POU2F1: variants seen among roughly 807,000 people sequenced by gnomAD.
The protein encoded by POU2F1 is POU class 2 homeobox 1.
Under a neutral mutation model 84.9 loss-of-function variants are expected in POU2F1, and 16 were observed. That is an observed-to-expected ratio of 0.19 (90% confidence interval 0.13 to 0.29). The LOEUF is 0.29. Among genes scored for constraint, POU2F1 ranks in the 10% least tolerant of loss-of-function variants. POU2F1 has a pLI of 1.00. For synonymous variants in POU2F1, 368 were observed against 368.3 expected (o/e 1.00, Z 0.01); for missense variants, 738 against 942.6 (o/e 0.78, Z 2.84).
intron 1 of POU2F1, among the ~76,000 whole-genome samples, chr1:167,324,899 TGA>T (rs941986787): frequency 2.6e-5 from 4 of 152,198 alleles, no homozygotes; most frequent in African/African-American, 4.8e-5. Flanking sequence ...GAGGGGACAC[TGA>T]GAGCCCCATA....
intron 1 of POU2F1, among the ~76,000 whole-genome samples, chr1:167,328,167 A>G (rs1281741798): frequency 1.3e-5 from 2 of 152,218 alleles, no homozygotes; most frequent in Admixed American, 6.5e-5. Flanking sequence ...TAGAGATTCT[A>G]AGTAACAAAC....
At chr1:167,262,041 G>A (rs770471970) in intron 1 of POU2F1, among the ~76,000 whole-genome samples, 4 of 152,076 alleles carry the variant, frequency 2.6e-5, no homozygotes, top group Non-Finnish European at 4.4e-5. Context: ...AATATGTTTC[G>A]TGTACCTAAG....
At chr1:167,357,865 G>A (rs367901968) in intron 2 of POU2F1, among the ~76,000 whole-genome samples, 5 of 143,074 alleles carry the variant, frequency 3.5e-5, no homozygotes, top group Admixed American at 7.0e-5. Flanking sequence ...GTGCAATGGC[G>A]CTATCTCGGC....
At position 167,334,702 on chromosome 1, in the gene POU2F1, A is replaced by G. The variant is rs557149172; in HGVS notation, c.127+2167A>G. 2.0e-5 allele frequency among the ~76,000 whole-genome samples: 3 copies of G among 152,344 alleles called. No homozygotes were observed. In the South Asian group the frequency reaches 6.2e-4, roughly 32 times the overall value. ...TATCAGACTTGCATATTTACTTACC[A>G]TGTTTGATATATTAGATATAAAATT... On this transcript the variant is annotated intron_variant, in intron 2 of 15. Coordinates refer to ENST00000367866, the MANE Select transcript of POU2F1 (RefSeq NM_002697.4).
chr1:167,255,388 G>A (rs2102415787), intron 1 of POU2F1, among the ~76,000 whole-genome samples: 1 of 152,332 alleles, frequency 6.6e-6, no homozygotes, highest in South Asian at 2.1e-4. Flanking sequence ...GCAGGGCAAT[G>A]TGAACAAAAA....
At chr1:167,222,733 C>G (rs184043265) in intron 1 of POU2F1, among the ~76,000 whole-genome samples, 1 of 152,190 alleles carries the variant, frequency 6.6e-6, no homozygotes, top group Non-Finnish European at 1.5e-5. Flanking sequence ...TAAGTATCAA[C>G]TCTGTGATGG....
At chr1:167,262,911 C>T (rs977950334) in intron 1 of POU2F1, among the ~76,000 whole-genome samples, 4 of 152,148 alleles carry the variant, frequency 2.6e-5, no homozygotes, top group East Asian at 3.9e-4. Flanking sequence ...GAGAAAAGTA[C>T]ATAAATTGGG....
intron 1 of POU2F1, among the ~76,000 whole-genome samples, chr1:167,300,812 C>T (rs1235487897): frequency 6.6e-6 from 1 of 151,850 alleles, no homozygotes; most frequent in Non-Finnish European, 1.5e-5. Context: ...CCTCTGTTGC[C>T]CAGGCTGGAG....
chr1:167,275,985 G>T (rs951965371), intron 1 of POU2F1, among the ~76,000 whole-genome samples: 1 of 152,146 alleles, frequency 6.6e-6, no homozygotes, highest in Non-Finnish European at 1.5e-5. Context: ...AGCAGTTAGC[G>T]ATCTAAGAAC....
chr1:167,413,311 A>G (rs1328055577), intron 15 of POU2F1, among the ~76,000 whole-genome samples, 197 bp downstream of exon 15: 2 of 152,220 alleles, frequency 1.3e-5, no homozygotes, highest in Non-Finnish European at 2.9e-5. Context: ...CTTTGTAAGA[A>G]AAGTATAGGT....
chr1:167,333,091 C>T (rs1467026420), intron 2 of POU2F1, among the ~76,000 whole-genome samples: 1 of 152,088 alleles, frequency 6.6e-6, no homozygotes, highest in Non-Finnish European at 1.5e-5. Flanking sequence ...GTTATAGACA[C>T]ATACCCATTT....
intron 6 of POU2F1, 51 bp from the exon 7 acceptor site, chr1:167,375,978 C>A: frequency 6.2e-7 from 1 of 1,604,836 alleles, no homozygotes; most frequent in South Asian, 1.1e-5. Context: ...TATAATTAAG[C>A]GAACTTTTAT....
chr1:167,400,060 T>C (rs960076157), intron 12 of POU2F1, among the ~76,000 whole-genome samples: 1 of 132,936 alleles, frequency 7.5e-6, no homozygotes, highest in Admixed American at 8.9e-5. Context: ...TTCAGCTCAC[T>C]GCAACCTCCG....
chr1:167,337,672 T>C (rs143957719), intron 2 of POU2F1, among the ~76,000 whole-genome samples: 1,806 of 148,174 alleles, frequency 0.012, 14 homozygotes, highest in South Asian at 0.025. Context: ...ACCCCATCTC[T>C]ACCCTCACCC....
chr1:167,283,579 A>C (rs1422000472), intron 1 of POU2F1, among the ~76,000 whole-genome samples: 2 of 151,978 alleles, frequency 1.3e-5, no homozygotes, highest in Non-Finnish European at 2.9e-5. Context: ...TATGAAAGTC[A>C]GTGAAGAGTC....
At chr1:167,252,301 A>G (rs1031651764) in intron 1 of POU2F1, among the ~76,000 whole-genome samples, 3 of 152,182 alleles carry the variant, frequency 2.0e-5, no homozygotes, top group African/African-American at 7.2e-5. Context: ...AATGAAGGCC[A>G]TGCTATTTGC....
chr1:167,257,013 C>G (rs1225208093), intron 1 of POU2F1, among the ~76,000 whole-genome samples: 1 of 152,112 alleles, frequency 6.6e-6, no homozygotes, highest in Non-Finnish European at 1.5e-5. Flanking sequence ...AATTTTGTTC[C>G]TAAATTTACA....
At chr1:167,271,486 A>G (rs925691462) in intron 1 of POU2F1, among the ~76,000 whole-genome samples, 3 of 152,236 alleles carry the variant, frequency 2.0e-5, no homozygotes, top group Non-Finnish European at 4.4e-5. Context: ...AGACTTCTAT[A>G]TTTATTCAAA....
At chr1:167,373,912 A>G (rs1660165024) in intron 5 of POU2F1, among the ~76,000 whole-genome samples, 196 bp from the exon 6 acceptor site, 1 of 151,568 alleles carries the variant, frequency 6.6e-6, no homozygotes, top group African/African-American at 2.4e-5. Context: ...CATAGTGGGG[A>G]CCACCATTTT....
Sources: allele counts gnomAD v4.1 joint callset (sites outside exome capture counted in the v4.1 genomes callset), GRCh38; gene constraint gnomAD v4.1.1; transcripts MANE v1.5; gene names NCBI Gene and HGNC (gene_info 2026-07-23, HGNC 2026-07-21).